SP2: variants seen among roughly 807,000 people sequenced by gnomAD.
SP2 encodes the protein Sp2 transcription factor, also known as transcription factor Sp2.
SP2 carries 9 observed loss-of-function variants against 50.1 expected under a neutral mutation model. The ratio of observed to expected loss-of-function variants is 0.18; its 90% CI spans 0.11 to 0.31. SP2 has a LOEUF of 0.31. Among genes scored for constraint, SP2 ranks in the 10% least tolerant of loss-of-function variants. SP2 has a pLI of 1.00. For missense variants in SP2, 581 were observed against 806.5 expected, an observed-to-expected ratio of 0.72 and a Z score of 3.39; for synonymous variants, 313 against 326.6, an observed-to-expected ratio of 0.96 and a Z score of 0.45.
chr17:47,909,902 C>T (rs1299430181), intron 1 of SP2, among the ~76,000 whole-genome samples: 1 of 152,208 alleles, frequency 6.6e-6, no homozygotes, highest in African/African-American at 2.4e-5. Flanking sequence ...GGCTGGAGTG[C>T]AGTGGCACCA....
chr17:47,915,251 A>C, intron 1 of SP2, 61 bp from the exon 2 acceptor site: 1 of 1,180,390 alleles, frequency 8.5e-7, no homozygotes, highest in Non-Finnish European at 1.2e-6. Context: ...AATCTGAGGC[A>C]AGTGGGCTTG....
chr17:47,922,926 T>C (rs1214219462), intron 3 of SP2, 36 bp from the exon 4 acceptor site: 2 of 1,578,858 alleles, frequency 1.3e-6, no homozygotes, highest in Non-Finnish European at 1.7e-6. Context: ...CCTAGTCTCT[T>C]CCAGGCACTG....
In SP2 at chr17:47,896,246, T is replaced by TGGCGGCGGA. The variant is rs758772059; in HGVS notation, c.-28_-20dup. ...TTGGCGGGCGGTGTCAGGCTCTCGG[T>TGGCGGCGGA]GGCGGCGGAGGCGGCGGAGGCCAGG... On this transcript the variant is annotated 5_prime_UTR_variant, in exon 1 of 7. Coordinates refer to ENST00000376741, the MANE Select transcript of SP2 (RefSeq NM_003110.6). 1.8e-5 allele frequency: 22 copies of TGGCGGCGGA among 1,239,396 alleles called. No homozygotes were observed. Among genetic ancestry groups the TGGCGGCGGA allele is most frequent in the South Asian group, 8.1e-5 (2 of 24,604 alleles). The allele number at this position is 1,239,396 out of a possible 1,614,324, so 76.8% of individuals were successfully genotyped here.
In SP2 at chr17:47,915,509, A is replaced by T. The variant is rs892984147; in HGVS notation, c.84+121A>T. The T allele has an allele frequency of 4.2e-5, 24 of 572,468 alleles. No individual in the cohort carries two copies. The Middle Eastern group carries it at 3.1e-3, about 74-fold the overall frequency. 35.5% of individuals were successfully genotyped at this position (572,468 alleles called of 1,614,324 possible). ...TAGGTTATGAGACTGGGGAAGGTTC[A>T]GTTAGCCACATTTTCTTTACTGAGA... On this transcript the variant is annotated intron_variant, in intron 2 of 6. Coordinates refer to ENST00000376741, the MANE Select transcript of SP2 (RefSeq NM_003110.6).
At chr17:47,919,989 A>G (rs537648750) in intron 3 of SP2, among the ~76,000 whole-genome samples, 1 of 148,900 alleles carries the variant, frequency 6.7e-6, no homozygotes, top group East Asian at 2.0e-4. Flanking sequence ...GGCGCGTGCC[A>G]CCACGCCCGG....
At position 47,916,926 on chromosome 17, in the gene SP2, C is replaced by T. The variant is rs370784122; in HGVS notation, c.855C>T (p.Leu285=). The T allele has an allele frequency of 1.9e-5, 30 of 1,614,064 alleles. No homozygotes were observed. Among genetic ancestry groups the T allele is most frequent in the East Asian group, 4.5e-5 (2 of 44,898 alleles). Residue 285 remains leucine, a synonymous_variant, in exon 3 of 7, where the codon CTC becomes CTT. Coordinates refer to ENST00000376741, the MANE Select transcript of SP2 (RefSeq NM_003110.6). This position sits in a 1 kb window ranked among gnomAD's most constrained non-coding sequence, Gnocchi z 4.7. ...TCATCCAGGCAGGAAATAACCTGCTCATTGTTCAGAGCCCTGGTGGGGGCC... is the reference window on the plus strand; with the variant it reads ...TCATCCAGGCAGGAAATAACCTGCTTATTGTTCAGAGCCCTGGTGGGGGCC... ...DNIIQAGNNL[L]IVQSPGGGQP... is the part of the protein sequence containing the mutation.
chr17:47,913,910 G>A (rs2035086964), intron 1 of SP2, among the ~76,000 whole-genome samples: 1 of 152,112 alleles, frequency 6.6e-6, no homozygotes, highest in African/African-American at 2.4e-5. Flanking sequence ...TTTCCTATTT[G>A]ATTATATTCA....
chr17:47,911,781 G>A (rs1047260665), intron 1 of SP2, among the ~76,000 whole-genome samples: 3 of 151,514 alleles, frequency 2.0e-5, no homozygotes, highest in African/African-American at 7.3e-5. Flanking sequence ...CTCCAACCTG[G>A]GCGACAGAGC....
intron 6 of SP2, among the ~76,000 whole-genome samples, chr17:47,926,004 C>T (rs1480833372): frequency 6.7e-6 from 1 of 148,290 alleles, no homozygotes; most frequent in African/African-American, 2.5e-5. Context: ...GCAGCCTCCA[C>T]CCCTTGGGTT....
intron 1 of SP2, among the ~76,000 whole-genome samples, chr17:47,905,670 AG>A (rs1393086708): frequency 1.3e-5 from 2 of 152,178 alleles, no homozygotes; most frequent in Non-Finnish European, 2.9e-5. Flanking sequence ...GCTCTCCCCA[AG>A]TCAGGCCTAG....
At chr17:47,930,827 A>C (rs752887117), downstream of SP2, among the ~76,000 whole-genome samples, 13 of 152,042 alleles carry the variant, frequency 8.6e-5, no homozygotes, top group Non-Finnish European at 1.9e-4. Flanking sequence ...ATGTGCACCA[A>C]AGCCCATCCC....
chr17:47,926,741 T>C (rs1167469362), intron 6 of SP2, among the ~76,000 whole-genome samples: 1 of 151,598 alleles, frequency 6.6e-6, no homozygotes, highest in Non-Finnish European at 1.5e-5. Context: ...CAGGGCAATA[T>C]AGCGGGAGCC....
chr17:47,909,149 C>T (rs1376486423), intron 1 of SP2, among the ~76,000 whole-genome samples: 1 of 152,188 alleles, frequency 6.6e-6, no homozygotes, highest in Non-Finnish European at 1.5e-5. Flanking sequence ...AGCTGAAAAT[C>T]CCCCTTTTAA....
At position 47,916,176 on chromosome 17, in the gene SP2, A is replaced by G. The variant is rs2035194416; in HGVS notation, c.105A>G (p.Leu35=). 3 of 1,611,466 alleles carry G rather than the reference A, an allele frequency of 1.9e-6. No individual in the cohort carries two copies. The African/African-American group carries it at 4.0e-5, about 22-fold the overall frequency. Reference sequence around the variant, plus strand: ...TGCAGGACTCCCAGCCATCTCCCTTAGCCCTGCTTGCTGCAACATGTAGCA... The same window carrying G: ...TGCAGGACTCCCAGCCATCTCCCTTGGCCCTGCTTGCTGCAACATGTAGCA... The part of the protein sequence containing the change: ...STTQDSQPSP[L]ALLAATCSKI... The change falls in exon 3 of 7, where the codon TTA becomes TTG. Residue 35 remains leucine (L), a synonymous_variant. Transcript: ENST00000376741. This position sits in a 1 kb window ranked among gnomAD's most constrained non-coding sequence, Gnocchi z 4.7.
At chr17:47,909,637 A>G in intron 1 of SP2, 2 of 888,458 alleles carry the variant, frequency 2.3e-6, no homozygotes, top group Non-Finnish European at 2.7e-6. Flanking sequence ...GAAATCCTAG[A>G]AGGATGACAT....
rs1386775969 is a variant in SP2, at chr17:47,922,871, G to A, written c.1060-91G>A. 1.0e-5 allele frequency: 11 copies of A among 1,103,872 alleles called. No homozygotes were observed. In the East Asian group the frequency reaches 1.4e-4, roughly 14 times the overall value. The allele number at this position is 1,103,872 out of a possible 1,614,324, so 68.4% of individuals were successfully genotyped here. A position where few individuals can be genotyped will look rare whatever the true frequency, so the allele number is the denominator to read the frequency against. On this transcript the variant is annotated intron_variant, in intron 3 of 6. Transcript: ENST00000376741. ...TTGAAGAGACTTTTAGTGGACAGGC[G>A]CCCCCAGTTCTCACTTGGGCAGGGA...
At chr17:47,904,469 A>G (rs1187786907) in intron 1 of SP2, among the ~76,000 whole-genome samples, 1 of 152,056 alleles carries the variant, frequency 6.6e-6, no homozygotes, top group Non-Finnish European at 1.5e-5. Flanking sequence ...AAGGGGAGAC[A>G]TAATGGATCT....
intron 1 of SP2, among the ~76,000 whole-genome samples, chr17:47,896,521 C>T (rs2034339020): frequency 6.6e-6 from 1 of 151,834 alleles, no homozygotes; most frequent in Admixed American, 6.5e-5. Flanking sequence ...GACTCCCCGC[C>T]CCCTCGGAGC....
At chr17:47,931,548 G>A (rs1361762645), downstream of SP2, among the ~76,000 whole-genome samples, 1 of 152,172 alleles carries the variant, frequency 6.6e-6, no homozygotes, top group African/African-American at 2.4e-5. Context: ...CCTGGTCTGA[G>A]TGCAGAGAAT....
Sources: gnomAD v4.1 joint callset for allele counts (sites outside exome capture counted in the v4.1 genomes callset) on GRCh38, gnomAD v4.1.1 for gene constraint, Gnocchi (gnomAD v3.1) non-coding constraint, MANE v1.5 for transcripts, NCBI Gene and HGNC (gene_info 2026-07-23, HGNC 2026-07-21) for gene names.